NOL10: variants seen among roughly 807,000 people sequenced by gnomAD.
The protein encoded by NOL10 is nucleolar protein 10.
In NOL10, 58 loss-of-function variants were observed where a neutral mutation model predicts 103.5. The ratio of observed to expected loss-of-function variants is 0.56; its 90% confidence interval spans 0.45 to 0.70. The LOEUF (loss-of-function observed/expected upper bound fraction) is 0.70, where lower values mean the gene tolerates loss of function less well. Ranked by LOEUF, NOL10 falls within the 30% of genes least tolerant of loss-of-function variation. The pLI, the probability that NOL10 is intolerant of heterozygous loss-of-function variation, is 0.00. For missense variants in NOL10, 763 were observed against 807.3 expected, an observed-to-expected ratio of 0.95 and a Z score of 0.67; for synonymous variants, 287 against 282.5, an observed-to-expected ratio of 1.02 and a Z score of -0.16.
chr2:10,583,767 GATGAT>G (rs1674885756), intron 19 of NOL10, among the ~76,000 whole-genome samples: 1 of 152,182 alleles, frequency 6.6e-6, no homozygotes, highest in South Asian at 2.1e-4. Context: ...TTCTAACTGG[GATGAT>G]TCTAATGGTT....
chr2:10,599,349 G>A (rs1233599695), intron 17 of NOL10, among the ~76,000 whole-genome samples: 1 of 152,182 alleles, frequency 6.6e-6, no homozygotes, highest in Non-Finnish European at 1.5e-5. Flanking sequence ...ACTGTAAAAT[G>A]ACATTACAAA....
chr2:10,591,695 G>A (rs1433974243), intron 17 of NOL10, among the ~76,000 whole-genome samples: 2 of 152,044 alleles, frequency 1.3e-5, no homozygotes, highest in African/African-American at 4.8e-5. Flanking sequence ...CAACAGAAGT[G>A]TGCTTCAAGA....
chr2:10,644,245 CA>C (rs1678908438), intron 13 of NOL10, 74 bp downstream of exon 13: 4 of 1,176,794 alleles, frequency 3.4e-6, no homozygotes, highest in African/African-American at 3.2e-5. Flanking sequence ...GACTCCGTCT[CA>C]AAAAATTAAA....
At chr2:10,623,423 C>T (rs1677262653) in intron 13 of NOL10, among the ~76,000 whole-genome samples, 1 of 152,166 alleles carries the variant, frequency 6.6e-6, no homozygotes, top group Non-Finnish European at 1.5e-5. Flanking sequence ...TTCTATCCAC[C>T]ATCACTGCCT....
chr2:10,652,872 C>A lies in NOL10; in HGVS notation c.973+1609G>T, dbSNP rs1679569927. On this transcript the variant is annotated intron_variant, in intron 12 of 20. Transcript: ENST00000381685. ...CTGCGGATCGGTTCAGGGCTTGCCG[C>A]CTAAGAATCCACCGGGAAGTGTGTT... Among the ~76,000 whole-genome samples, 5 of 152,310 alleles carry A rather than the reference C, an allele frequency of 3.3e-5. No homozygotes were observed. In the South Asian group the frequency reaches 8.3e-4, roughly 25 times the overall value.
Position 10,685,494 on chromosome 2 carries a change from C to G in NOL10, c.67-882G>C, listed in dbSNP as rs867724195. Among the ~76,000 whole-genome samples, 6 of 15,248 alleles carry G rather than the reference C, an allele frequency of 3.9e-4. 2 individuals are homozygous for G. The highest frequency in any genetic ancestry group is 4.0e-3 in the East Asian group (2 of 502). The allele number at this position is 15,248 out of a possible 152,430, so 10.0% of individuals were successfully genotyped here. On this transcript the variant is annotated intron_variant, in intron 1 of 20. Coordinates refer to ENST00000381685, the MANE Select transcript of NOL10 (RefSeq NM_024894.4). ...GTGACTGAGAGAGACTCCGTCCCCC[C>G]CCCCCCCCCCCCCGCCAAAAAAAAA...
intron 14 of NOL10, 78 bp downstream of exon 14, chr2:10,607,107 C>T: frequency 1.0e-6 from 1 of 957,438 alleles, no homozygotes; most frequent in Middle Eastern, 3.3e-4. Context: ...ATGGCTCAGC[C>T]AATTCTCATG....
At chr2:10,676,638 C>CT (rs1281732474) in intron 3 of NOL10, among the ~76,000 whole-genome samples, 30,755 of 135,250 alleles carry the variant, frequency 0.23, 3,692 homozygotes, top group South Asian at 0.48. Flanking sequence ...GGCACTTTGT[C>CT]TTTTTTTTTT....
chr2:10,575,830 A>G (rs1040766585), intron 20 of NOL10, among the ~76,000 whole-genome samples: 2 of 152,288 alleles, frequency 1.3e-5, no homozygotes, highest in Admixed American at 6.5e-5. Flanking sequence ...GGAATCAACG[A>G]ATGTTTCCAG....
At chr2:10,592,024 A>AAACC (rs199909331) in intron 17 of NOL10, among the ~76,000 whole-genome samples, 1 of 147,152 alleles carries the variant, frequency 6.8e-6, no homozygotes, top group African/African-American at 2.6e-5. Context: ...ACAAACAAAC[A>AAACC]AACCAACCCA....
intron 19 of NOL10, 28 bp from the exon 20 acceptor site, chr2:10,577,766 T>C (rs916818553): frequency 1.4e-6 from 2 of 1,393,406 alleles, no homozygotes; most frequent in Non-Finnish European, 2.0e-6. Context: ...GAATGCCACA[T>C]TAATCAAAAT....
At chr2:10,609,431 CA>C (rs60104799) in intron 13 of NOL10, among the ~76,000 whole-genome samples, 7,926 of 111,244 alleles carry the variant, frequency 0.071, 334 homozygotes, top group East Asian at 0.34. Context: ...ACTAAAAATA[CA>C]AAAAAAAAAA....
chr2:10,642,061 A>G (rs185780843), intron 13 of NOL10, among the ~76,000 whole-genome samples: 1 of 152,362 alleles, frequency 6.6e-6, no homozygotes, highest in East Asian at 1.9e-4. Flanking sequence ...AGGAAGATGA[A>G]AGAGACCTTT....
chr2:10,647,228 T>C (rs185369098), intron 12 of NOL10, among the ~76,000 whole-genome samples: 1 of 151,928 alleles, frequency 6.6e-6, no homozygotes, highest in Admixed American at 6.6e-5. Context: ...TTTGACAAAA[T>C]AGTGCCCTCC....
chr2:10,594,077 T>C (rs10178751), intron 17 of NOL10, among the ~76,000 whole-genome samples: 52,186 of 151,948 alleles, frequency 0.34, 9,394 homozygotes, highest in Non-Finnish European at 0.4. Context: ...GAAAAACTAA[T>C]TGAAATTTTC....
rs150549863 is a variant in NOL10 at position 10,577,784 on chromosome 2, T to C, written c.1845-46A>G. The C allele has an allele frequency of 4.6e-4, 592 of 1,274,664 alleles. 10 individuals carry two copies. The East Asian group carries it at 0.012, about 25-fold the overall frequency. The allele number at this position is 1,274,664 out of a possible 1,614,324, so 79.0% of individuals were successfully genotyped here. On this transcript the variant is annotated intron_variant, in intron 19 of 20. Coordinates refer to ENST00000381685, the MANE Select transcript of NOL10 (RefSeq NM_024894.4). ...TGCCACATTAATCAAAATTATGTTT[T>C]AATTTACCATTTGAAACAAGTTTTG...
intron 13 of NOL10, among the ~76,000 whole-genome samples, chr2:10,618,514 C>T (rs1394442214): frequency 6.6e-6 from 1 of 152,188 alleles, no homozygotes; most frequent in South Asian, 2.1e-4. Context: ...AAGCGATTGG[C>T]TCTGTATGAT....
intron 14 of NOL10, chr2:10,604,765 G>A (rs184456119): frequency 1.8e-4 from 27 of 152,270 alleles, no homozygotes; most frequent in Middle Eastern, 3.4e-3. Context: ...CCCGAGAATC[G>A]GATGCAGCAG....
intron 1 of NOL10, among the ~76,000 whole-genome samples, chr2:10,686,654 G>C (rs1682231832): frequency 6.6e-6 from 1 of 152,216 alleles, no homozygotes; most frequent in African/African-American, 2.4e-5. Flanking sequence ...ACAGTGTCTT[G>C]AATCAGTGAC....
Sources: allele counts gnomAD v4.1 joint callset (sites outside exome capture counted in the v4.1 genomes callset), GRCh38; gene constraint gnomAD v4.1.1; transcripts MANE v1.5; gene names NCBI Gene and HGNC (gene_info 2026-07-23, HGNC 2026-07-21).